The following RASGEF1C variants were observed in gnomAD, a reference collection of about 807,000 sequenced individuals.
RASGEF1C encodes RasGEF domain family member 1C, also known as ras-GEF domain-containing family member 1C.
RASGEF1C carries 27 observed loss-of-function variants against 58.1 expected under a neutral mutation model. That is an observed-to-expected ratio of 0.46 (90% confidence interval 0.34 to 0.64). RASGEF1C has a LOEUF of 0.64. Among genes scored for constraint, RASGEF1C ranks in the 30% least tolerant of loss-of-function variants. The pLI is 0.01. For synonymous variants in RASGEF1C, 243 were observed against 246.3 expected (o/e 0.99, Z 0.13); for missense variants, 502 against 605.1 (o/e 0.83, Z 1.79).
intron 3 of RASGEF1C, chr5:180,136,764 G>A (rs1176109230): frequency 9.7e-6 from 5 of 513,482 alleles, no homozygotes; most frequent in Non-Finnish European, 1.0e-5. Flanking sequence ...CCTCCCTGGT[G>A]AGTCTTCGCG....
At chr5:180,114,082 G>A (rs944886047) in intron 11 of RASGEF1C, among the ~76,000 whole-genome samples, 1 of 152,154 alleles carries the variant, frequency 6.6e-6, no homozygotes, top group Non-Finnish European at 1.5e-5. Flanking sequence ...TCAAGGCTCC[G>A]CCTTTGGGCT....
intron 1 of RASGEF1C, among the ~76,000 whole-genome samples, chr5:180,176,843 A>G (rs1043261413): frequency 1.3e-5 from 2 of 152,184 alleles, no homozygotes; most frequent in Non-Finnish European, 2.9e-5. Flanking sequence ...GGCGTGAGCC[A>G]CCGCGCCTGG....
intron 10 of RASGEF1C, chr5:180,115,411 G>T: frequency 2.8e-6 from 1 of 352,036 alleles, no homozygotes; most frequent in Admixed American, 3.6e-5. Context: ...TGAAGGAAAA[G>T]AAAGGCTCAC....
chr5:180,205,148 T>C (rs916891727), intron 1 of RASGEF1C, among the ~76,000 whole-genome samples: 2 of 152,010 alleles, frequency 1.3e-5, no homozygotes, highest in Non-Finnish European at 1.5e-5. Flanking sequence ...GAGATCACGC[T>C]ACTGCATTCC....
rs190612677 is a variant in RASGEF1C at position 180,191,952 on chromosome 5, T to C, written c.-7+17076A>G. 2.1e-3 allele frequency among the ~76,000 whole-genome samples: 324 copies of C among 152,256 alleles called. 4 individuals carry two copies. The highest frequency in any genetic ancestry group is 7.4e-3 in the African/African-American group (309 of 41,564). ...CACTGGTTGTTGGCAGCATTCGTTT[T>C]CTTCTGGCCGTGAGTCTCAGGACCT... On this transcript the variant is annotated intron_variant, in intron 1 of 13. Coordinates refer to ENST00000361132, the MANE Select transcript of RASGEF1C (RefSeq NM_175062.4).
At chr5:180,164,484 T>G (rs1356916876) in intron 1 of RASGEF1C, among the ~76,000 whole-genome samples, 1 of 152,226 alleles carries the variant, frequency 6.6e-6, no homozygotes, top group Admixed American at 6.5e-5. Flanking sequence ...CAACAGATTT[T>G]AATACACTAT....
chr5:180,159,878 C>T (rs951155443), intron 1 of RASGEF1C, among the ~76,000 whole-genome samples: 3 of 152,208 alleles, frequency 2.0e-5, no homozygotes, highest in African/African-American at 4.8e-5. Flanking sequence ...CTCTTGCCAG[C>T]GGGACTGGAG....
At chr5:180,173,715 C>A (rs1014890111) in intron 1 of RASGEF1C, among the ~76,000 whole-genome samples, 4 of 152,190 alleles carry the variant, frequency 2.6e-5, no homozygotes, top group South Asian at 4.2e-4. Flanking sequence ...GAGTTTGAGA[C>A]CAGCCTGGCC....
At chr5:180,207,738 T>C (rs1326512518) in intron 1 of RASGEF1C, among the ~76,000 whole-genome samples, 1 of 152,134 alleles carries the variant, frequency 6.6e-6, no homozygotes, top group Non-Finnish European at 1.5e-5. Flanking sequence ...GTCCAGACCC[T>C]GTAGCGTCTC....
chr5:180,169,644 C>T (rs1767072212), intron 1 of RASGEF1C, among the ~76,000 whole-genome samples: 1 of 152,050 alleles, frequency 6.6e-6, no homozygotes, highest in African/African-American at 2.4e-5. Context: ...TTTCCCTATG[C>T]ACAACAAGGA....
chr5:180,128,750 G>A, intron 4 of RASGEF1C, 140 bp from the exon 5 acceptor site: 1 of 853,822 alleles, frequency 1.2e-6, no homozygotes, highest in East Asian at 2.7e-5. Flanking sequence ...ACCAGCGCAG[G>A]GGCCAGGACC....
At chr5:180,208,807 C>G (rs1336600931) in intron 1 of RASGEF1C, among the ~76,000 whole-genome samples, 1 of 151,612 alleles carries the variant, frequency 6.6e-6, no homozygotes, top group Non-Finnish European at 1.5e-5. Flanking sequence ...CGCCAGGTGG[C>G]CGGGGGTGTG....
intron 1 of RASGEF1C, among the ~76,000 whole-genome samples, chr5:180,167,425 G>A (rs1355548150): frequency 6.6e-6 from 1 of 152,162 alleles, no homozygotes; most frequent in East Asian, 1.9e-4. Flanking sequence ...TGGAGGCGGA[G>A]GCGCAGTGAG....
At chr5:180,154,965 T>C (rs1766828412) in intron 1 of RASGEF1C, among the ~76,000 whole-genome samples, 1 of 152,054 alleles carries the variant, frequency 6.6e-6, no homozygotes, top group East Asian at 1.9e-4. Context: ...AAGACAGACT[T>C]GGCCTGAAGG....
chr5:180,132,175 C>A (rs547918081), intron 4 of RASGEF1C, among the ~76,000 whole-genome samples: 3 of 152,360 alleles, frequency 2.0e-5, no homozygotes, highest in African/African-American at 7.2e-5. Context: ...CAGCACTTTG[C>A]CCCTCCTGCC....
In RASGEF1C at chr5:180,127,702, A is replaced by G. The variant is rs1766287367; in HGVS notation, c.640-19T>C. 3.1e-6 allele frequency: 5 copies of G among 1,608,808 alleles called. No homozygotes were observed. The East Asian group carries it at 1.1e-4, about 36-fold the overall frequency. ...GCCGCTCCTGCAGGGAAGGGTGAAGAGTGGGTAAAAGAGGGAAGGTATGGG... is the reference window on the plus strand; with the variant it reads ...GCCGCTCCTGCAGGGAAGGGTGAAGGGTGGGTAAAAGAGGGAAGGTATGGG... On this transcript the variant is annotated intron_variant, in intron 5 of 13. Transcript: ENST00000361132.
rs1166674461 is a variant in RASGEF1C at position 180,137,038 on chromosome 5, C to T, written c.301-523G>A. On this transcript the variant is annotated intron_variant, in intron 3 of 13. Transcript: ENST00000361132. The surrounding 1 kb of genome is among the most constrained non-coding windows in gnomAD (Gnocchi z 4.1). ...GCCACACCAGCCAGCCCGAGGGAGG[C>T]CAGCCCCGGGAAGCGGCAGCAGAGG... 6.6e-6 allele frequency among the ~76,000 whole-genome samples: 1 copy of T among 152,178 alleles called. No homozygotes were observed. Among genetic ancestry groups the T allele is most frequent in the Non-Finnish European group, 1.5e-5 (1 of 68,022 alleles).
rs1766508079 is a variant in RASGEF1C at position 180,137,711 on chromosome 5, T to C, written c.179A>G (p.Lys60Arg). ...CAGCAGGAAGGTGAAGATGTAGGCT[T>C]TCTGGGGGACACACGAGAAAGAGGG... ...LVPTADYYPE[K>R]AYIFTFLLSS... Residue 60 changes from lysine to arginine, a missense_variant and splice_region_variant, in exon 3 of 14, where the codon AAA becomes AGA. Coordinates refer to ENST00000361132, the MANE Select transcript of RASGEF1C (RefSeq NM_175062.4). This position sits in a 1 kb window ranked among gnomAD's most constrained non-coding sequence, Gnocchi z 4.1. The C allele has an allele frequency of 1.2e-6, 2 of 1,612,770 alleles. No individual in the cohort carries two copies. Among genetic ancestry groups the C allele is most frequent in the African/African-American group, 1.3e-5 (1 of 74,878 alleles).
At chr5:180,127,772 A>C (rs932772299) in intron 5 of RASGEF1C, 89 bp from the exon 6 acceptor site, 1 of 1,222,836 alleles carries the variant, frequency 8.2e-7, no homozygotes, top group East Asian at 2.5e-5. Context: ...CCCAGCCCCT[A>C]GTCCTCCTCA....
Sources: gnomAD v4.1 joint callset for allele counts (sites outside exome capture counted in the v4.1 genomes callset) on GRCh38, gnomAD v4.1.1 for gene constraint, Gnocchi (gnomAD v3.1) non-coding constraint, MANE v1.5 for transcripts, NCBI Gene and HGNC (gene_info 2026-07-23, HGNC 2026-07-21) for gene names.